COX7B2: variants seen among roughly 807,000 people sequenced by gnomAD.
The protein encoded by COX7B2 is cytochrome c oxidase subunit 7B2, mitochondrial.
For missense variants in COX7B2, 109 were observed against 95.9 expected, an observed-to-expected ratio of 1.14 and a Z score of -0.57; for synonymous variants, 37 against 32.1, an observed-to-expected ratio of 1.15 and a Z score of -0.51.
At chr4:46,852,907 C>T (rs1041133372) in intron 1 of COX7B2, among the ~76,000 whole-genome samples, 9 of 152,140 alleles carry the variant, frequency 5.9e-5, no homozygotes, top group African/African-American at 1.9e-4. Context: ...AGTGTAGTGC[C>T]GAAGCACTGG....
intron 2 of COX7B2, among the ~76,000 whole-genome samples, chr4:46,825,564 C>G (rs748990047): frequency 7.8e-4 from 118 of 151,996 alleles, no homozygotes; most frequent in Non-Finnish European, 1.6e-3. Flanking sequence ...AAAAAGAGCT[C>G]CCATAGCCAA....
chr4:46,873,543 T>G (rs992919411), intron 1 of COX7B2, among the ~76,000 whole-genome samples: 1 of 152,204 alleles, frequency 6.6e-6, no homozygotes, highest in Non-Finnish European at 1.5e-5. Flanking sequence ...TCATTGTGGT[T>G]TTGATTTGCA....
chr4:46,879,214 G>A (rs892282749), intron 1 of COX7B2, among the ~76,000 whole-genome samples: 16 of 151,940 alleles, frequency 1.1e-4, no homozygotes, highest in Middle Eastern at 3.4e-3. Context: ...CCTTGACCTT[G>A]AACTCCTGGG....
intron 2 of COX7B2, among the ~76,000 whole-genome samples, chr4:46,820,921 T>C (rs1415272142): frequency 6.6e-6 from 1 of 151,038 alleles, no homozygotes; most frequent in Non-Finnish European, 1.5e-5. Context: ...CACGTAAGAG[T>C]TGAAAATTTA....
chr4:46,866,591 A>T (rs187741473), intron 1 of COX7B2, among the ~76,000 whole-genome samples: 41 of 152,288 alleles, frequency 2.7e-4, no homozygotes, highest in Admixed American at 2.4e-3. Flanking sequence ...AACAAACAAT[A>T]GCATTATTTC....
chr4:46,771,747 C>T (rs1359214680), intron 2 of COX7B2, among the ~76,000 whole-genome samples: 4 of 151,844 alleles, frequency 2.6e-5, no homozygotes, highest in African/African-American at 7.3e-5. Context: ...CAAAATCCAA[C>T]CCCCCCACAA....
Position 46,824,783 on chromosome 4 carries a change from A to G in COX7B2, c.-50+20177T>C, listed in dbSNP as rs532324235. Among the ~76,000 whole-genome samples the G allele has an allele frequency of 2.0e-5, 3 of 152,292 alleles. No individual in the cohort carries two copies. In the South Asian group the frequency reaches 6.2e-4, roughly 32 times the overall value. ...AAAAAGAACTAAAGACAAAAAACAC[A>G]TGATTATCTCAATAGATACAGAAAA... is the stretch of plus-strand genomic sequence containing the variant. On this transcript the variant is annotated intron_variant, in intron 2 of 2. Transcript: ENST00000355591.
At chr4:46,771,265 T>C (rs758236329) in intron 2 of COX7B2, among the ~76,000 whole-genome samples, 45 of 152,108 alleles carry the variant, frequency 3.0e-4, no homozygotes, top group Non-Finnish European at 5.4e-4. Context: ...TAATGAGACA[T>C]TACCTCAGAC....
At chr4:46,837,270 GACAT>G (rs1715577340) in intron 2 of COX7B2, among the ~76,000 whole-genome samples, 1 of 113,538 alleles carries the variant, frequency 8.8e-6, no homozygotes, top group African/African-American at 3.5e-5. Flanking sequence ...AACACACAAA[GACAT>G]ACACACACAC....
intron 1 of COX7B2, among the ~76,000 whole-genome samples, chr4:46,900,844 C>G (rs1720035991): frequency 6.6e-6 from 1 of 152,142 alleles, no homozygotes; most frequent in South Asian, 2.1e-4. Flanking sequence ...ACTTCCCAGT[C>G]CCCAGAACTA....
At chr4:46,744,738 ATTTTTT>A (rs773481406) in intron 2 of COX7B2, among the ~76,000 whole-genome samples, 1 of 124,662 alleles carries the variant, frequency 8.0e-6, no homozygotes, top group Non-Finnish European at 1.7e-5. Flanking sequence ...AGATATTTTA[ATTTTTT>A]TTTTTTTTTT....
intron 1 of COX7B2, among the ~76,000 whole-genome samples, chr4:46,853,092 CATTG>C (rs570010378): frequency 3.3e-5 from 5 of 152,034 alleles, no homozygotes; most frequent in East Asian, 3.9e-4. Flanking sequence ...CAAGGTTATG[CATTG>C]ATTGATTGAT....
chr4:46,752,066 C>T (rs1715418914), intron 2 of COX7B2, among the ~76,000 whole-genome samples: 1 of 152,102 alleles, frequency 6.6e-6, no homozygotes, highest in Non-Finnish European at 1.5e-5. Flanking sequence ...AATATTCTTC[C>T]ATTTTTTTGT....
chr4:46,835,008 G>T (rs1350272854), intron 2 of COX7B2, among the ~76,000 whole-genome samples: 3 of 152,186 alleles, frequency 2.0e-5, no homozygotes, highest in East Asian at 3.9e-4. Flanking sequence ...GGAAATATGA[G>T]TAATTCTTAA....
chr4:46,741,782 A>C (rs1215617606), intron 2 of COX7B2, among the ~76,000 whole-genome samples: 1 of 152,118 alleles, frequency 6.6e-6, no homozygotes, highest in African/African-American at 2.4e-5. Flanking sequence ...AGTCATCTGG[A>C]ATCTTTATGA....
At chr4:46,748,311 C>T (rs1715144799) in intron 2 of COX7B2, among the ~76,000 whole-genome samples, 1 of 152,142 alleles carries the variant, frequency 6.6e-6, no homozygotes, top group Admixed American at 6.5e-5. Context: ...AAAGCATATA[C>T]CCACCATGAA....
intron 2 of COX7B2, among the ~76,000 whole-genome samples, chr4:46,810,494 TCTA>T: frequency 6.6e-6 from 1 of 152,070 alleles, no homozygotes; most frequent in East Asian, 1.9e-4. Context: ...TATCTTATAG[TCTA>T]CTATTTTAAG....
chr4:46,815,185 A>G (rs558178498), intron 2 of COX7B2, among the ~76,000 whole-genome samples: 159 of 152,134 alleles, frequency 1.0e-3, no homozygotes, highest in African/African-American at 3.6e-3. Flanking sequence ...CAAAAAAAAA[A>G]AAAAAGAAAA....
At chr4:46,848,157 A>T (rs138045113) in intron 1 of COX7B2, among the ~76,000 whole-genome samples, 62 of 152,164 alleles carry the variant, frequency 4.1e-4, no homozygotes, top group African/African-American at 1.4e-3. Context: ...CCTAAGACCC[A>T]ATTAGTGTCA....
Sources: gnomAD v4.1 joint callset for allele counts (sites outside exome capture counted in the v4.1 genomes callset) on GRCh38, gnomAD v4.1.1 for gene constraint, MANE v1.5 for transcripts, NCBI Gene and HGNC (gene_info 2026-07-23, HGNC 2026-07-21) for gene names.